The following EDIL3 variants were observed in gnomAD, a reference collection of about 807,000 sequenced individuals.
EDIL3 encodes the protein EGF-like repeat and discoidin I-like domain-containing protein 3.
EDIL3 carries 37 observed loss-of-function variants against 67.4 expected under a neutral mutation model. The ratio of observed to expected loss-of-function variants is 0.55; its 90% confidence interval spans 0.42 to 0.72. EDIL3 has a LOEUF of 0.72. EDIL3 is among the 30% of genes least tolerant of loss of function. The pLI, the probability that EDIL3 is intolerant of heterozygous loss-of-function variation, is 0.00. For synonymous variants in EDIL3, 195 were observed against 196.3 expected (o/e 0.99, Z 0.05); for missense variants, 527 against 586.3 (o/e 0.90, Z 1.04).
At chr5:84,102,093 G>A (rs1007868921) in intron 6 of EDIL3, among the ~76,000 whole-genome samples, 4 of 151,922 alleles carry the variant, frequency 2.6e-5, no homozygotes, top group Non-Finnish European at 5.9e-5. Flanking sequence ...AATAGATTCA[G>A]AAAAGCCTTC....
At chr5:84,222,367 G>A (rs192764562) in intron 3 of EDIL3, among the ~76,000 whole-genome samples, 1 of 151,952 alleles carries the variant, frequency 6.6e-6, no homozygotes, top group Admixed American at 6.6e-5. Context: ...GTCAAAGCTA[G>A]TAATGTAAAT....
intron 8 of EDIL3, among the ~76,000 whole-genome samples, chr5:84,062,514 T>C (rs998020614): frequency 1.3e-5 from 2 of 152,116 alleles, no homozygotes; most frequent in Non-Finnish European, 2.9e-5. Context: ...TTCTGTTGTC[T>C]AGTATTTATC....
At chr5:84,111,545 T>C (rs1371083637) in intron 5 of EDIL3, among the ~76,000 whole-genome samples, 1 of 152,192 alleles carries the variant, frequency 6.6e-6, no homozygotes, top group Admixed American at 6.5e-5. Context: ...TAGGTAGTAG[T>C]GACATAGGGA....
intron 1 of EDIL3, among the ~76,000 whole-genome samples, chr5:84,264,948 C>G (rs1745317123): frequency 6.6e-6 from 1 of 152,110 alleles, no homozygotes; most frequent in Non-Finnish European, 1.5e-5. Flanking sequence ...CTTACTTTTT[C>G]TAAGCGTAAA....
In EDIL3 at chr5:84,380,664, C is replaced by A. The variant is rs1262762235; in HGVS notation, c.67+3644G>T. 3.9e-5 allele frequency among the ~76,000 whole-genome samples: 6 copies of A among 152,042 alleles called. 1 individual carries two copies. The highest frequency in any genetic ancestry group is 8.8e-5 in the Non-Finnish European group (6 of 67,922). On this transcript the variant is annotated intron_variant, in intron 1 of 10. Coordinates refer to ENST00000296591, the MANE Select transcript of EDIL3 (RefSeq NM_005711.5). Reference sequence around the variant, plus strand: ...GAGGCAACTTTTAAAAAATTATACACTAAATGATAATATATACAGTTCATC... The same window carrying A: ...GAGGCAACTTTTAAAAAATTATACAATAAATGATAATATATACAGTTCATC...
At chr5:83,995,146 GCACACACACATA>G (rs1230533137) in intron 9 of EDIL3, among the ~76,000 whole-genome samples, 1 of 88,974 alleles carries the variant, frequency 1.1e-5, no homozygotes, top group Non-Finnish European at 2.2e-5. Context: ...GTATACACAC[GCACACACACATA>G]CACACACACA....
At chr5:84,297,831 G>A (rs576677984) in intron 1 of EDIL3, among the ~76,000 whole-genome samples, 3 of 152,106 alleles carry the variant, frequency 2.0e-5, no homozygotes, top group African/African-American at 7.2e-5. Flanking sequence ...AGTCGATCCT[G>A]GGAGAGCAAG....
At chr5:84,025,161 A>T (rs1745789755) in intron 9 of EDIL3, among the ~76,000 whole-genome samples, 1 of 152,114 alleles carries the variant, frequency 6.6e-6, no homozygotes, top group South Asian at 2.1e-4. Context: ...TAAGCAACTC[A>T]ATCTCTCTAA....
At chr5:84,250,976 C>T (rs761674520) in intron 2 of EDIL3, among the ~76,000 whole-genome samples, 7 of 152,118 alleles carry the variant, frequency 4.6e-5, no homozygotes, top group Non-Finnish European at 7.3e-5. Context: ...AAGATATTAC[C>T]TCAAAATACC....
chr5:84,121,538 G>GATCT (rs3046833), intron 5 of EDIL3, among the ~76,000 whole-genome samples: 13,818 of 129,676 alleles, frequency 0.11, 726 homozygotes, highest in East Asian at 0.23. Context: ...AACTTAGATC[G>GATCT]ATCTATCTAT....
chr5:83,994,387 T>A (rs1745201731), intron 9 of EDIL3, among the ~76,000 whole-genome samples: 1 of 151,970 alleles, frequency 6.6e-6, no homozygotes, highest in African/African-American at 2.4e-5. Context: ...AGGCTTTTTT[T>A]TTTTTCATTT....
At chr5:84,145,386 C>G (rs1580348312) in intron 4 of EDIL3, among the ~76,000 whole-genome samples, 1 of 152,204 alleles carries the variant, frequency 6.6e-6, no homozygotes, top group East Asian at 1.9e-4. Flanking sequence ...GGATACTCTG[C>G]ATAATGGCGA....
At chr5:84,217,189 T>C (rs1474389653) in intron 3 of EDIL3, among the ~76,000 whole-genome samples, 2 of 149,498 alleles carry the variant, frequency 1.3e-5, no homozygotes, top group Non-Finnish European at 3.0e-5. Flanking sequence ...GTCTTAAAGA[T>C]GAATCCAGCT....
intron 5 of EDIL3, among the ~76,000 whole-genome samples, chr5:84,117,028 T>TTTA (rs1554068675): frequency 0.029 from 3,814 of 129,654 alleles, 219 homozygotes; most frequent in African/African-American, 0.11. Context: ...TTATTTTTTT[T>TTTA]TTTTTTTTTT....
intron 6 of EDIL3, among the ~76,000 whole-genome samples, chr5:84,095,532 G>A (rs1002731946): frequency 6.6e-6 from 1 of 152,182 alleles, no homozygotes; most frequent in Non-Finnish European, 1.5e-5. Flanking sequence ...AAAGTGAGTG[G>A]CAGCATTTTG....
intron 1 of EDIL3, among the ~76,000 whole-genome samples, chr5:84,293,245 A>G (rs542082489): frequency 3.9e-4 from 59 of 152,340 alleles, no homozygotes; most frequent in African/African-American, 1.4e-3. Context: ...AGCCGTTGAT[A>G]TATTTCTTTA....
chr5:84,244,448 T>C (rs1744864790), intron 2 of EDIL3, among the ~76,000 whole-genome samples: 1 of 151,522 alleles, frequency 6.6e-6, no homozygotes. Context: ...CTGGCTATTT[T>C]TTTTTTTTTT....
chr5:84,029,584 C>A (rs1745880540), intron 9 of EDIL3, among the ~76,000 whole-genome samples: 1 of 152,078 alleles, frequency 6.6e-6, no homozygotes, highest in Admixed American at 6.6e-5. Context: ...TCCCTCAATG[C>A]TTTTATCAAA....
intron 5 of EDIL3, among the ~76,000 whole-genome samples, chr5:84,127,002 AT>A (rs748976504): frequency 6.0e-4 from 91 of 152,226 alleles, no homozygotes; most frequent in Middle Eastern, 3.4e-3. Flanking sequence ...ATGTTTAAAA[AT>A]TTTTGTGTCT....
Sources: allele counts gnomAD v4.1 joint callset (sites outside exome capture counted in the v4.1 genomes callset), GRCh38; gene constraint gnomAD v4.1.1; transcripts MANE v1.5; gene names NCBI Gene and HGNC (gene_info 2026-07-23, HGNC 2026-07-21).